Variants in MGLL observed in about 807,000 individuals in gnomAD.
MGLL encodes the protein lysophospholipase homolog.
In MGLL, 7 loss-of-function variants were observed where a neutral mutation model predicts 29.1. That is an observed-to-expected ratio of 0.24 (90% CI 0.14 to 0.45). The LOEUF (loss-of-function observed/expected upper bound fraction) is 0.45. Ranked by LOEUF, MGLL falls within the 20% of genes least tolerant of loss-of-function variation. MGLL has a pLI of 0.99. For synonymous variants in MGLL, 148 were observed against 168.3 expected (o/e 0.88, Z 0.93); for missense variants, 356 against 413.6 (o/e 0.86, Z 1.21).
intron 2 of MGLL, among the ~76,000 whole-genome samples, chr3:127,787,195 C>T (rs1267696958): frequency 3.3e-5 from 5 of 152,240 alleles, no homozygotes; most frequent in Non-Finnish European, 5.9e-5. Context: ...CTGGGCAAGA[C>T]GCCTGCAATA....
intron 6 of MGLL, among the ~76,000 whole-genome samples, chr3:127,707,814 C>T (rs1055992597): frequency 3.9e-5 from 6 of 152,198 alleles, no homozygotes; most frequent in Non-Finnish European, 7.3e-5. Context: ...GAATGTGGCT[C>T]TATAGGGTGG....
At chr3:127,733,453 T>C (rs775365200) in intron 3 of MGLL, among the ~76,000 whole-genome samples, 2 of 152,152 alleles carry the variant, frequency 1.3e-5, no homozygotes, top group Non-Finnish European at 2.9e-5. Flanking sequence ...AATTCCTTCT[T>C]GCTTAAGATC....
chr3:127,764,918 G>A (rs2076830334), intron 3 of MGLL, among the ~76,000 whole-genome samples: 1 of 152,176 alleles, frequency 6.6e-6, no homozygotes, highest in African/African-American at 2.4e-5. Flanking sequence ...TAGAGACTTT[G>A]ACTCATCCTT....
At chr3:127,696,336 G>A (rs1286797518) in intron 6 of MGLL, among the ~76,000 whole-genome samples, 1 of 150,148 alleles carries the variant, frequency 6.7e-6, no homozygotes, top group African/African-American at 2.4e-5. Flanking sequence ...TACAGGATCG[G>A]GGAGAAGTTT....
chr3:127,792,981 A>G (rs1224526903), intron 2 of MGLL, among the ~76,000 whole-genome samples: 1 of 152,242 alleles, frequency 6.6e-6, no homozygotes, highest in East Asian at 1.9e-4. Flanking sequence ...GAAGGGTTCC[A>G]ATCCCACCCA....
rs1269482694 is a variant in MGLL, at chr3:127,761,791, G to C, written c.262+19998C>G. 1.3e-5 allele frequency among the ~76,000 whole-genome samples: 2 copies of C among 152,144 alleles called. No individual in the cohort carries two copies. Among genetic ancestry groups the C allele is most frequent in the African/African-American group, 4.8e-5 (2 of 41,422 alleles). On this transcript the variant is annotated intron_variant, in intron 3 of 7. Transcript: ENST00000265052. The surrounding 1 kb of genome is among the most constrained non-coding windows in gnomAD (Gnocchi z 4.6). ...CTTGGGACCCCAGCTCTTCAGGGAG[G>C]GACTCCAGGCAGAGCTTCATTCTCA...
At chr3:127,710,204 A>G (rs1424298316) in intron 6 of MGLL, among the ~76,000 whole-genome samples, 3 of 152,214 alleles carry the variant, frequency 2.0e-5, no homozygotes, top group Non-Finnish European at 4.4e-5. Context: ...CCGATGGAGA[A>G]TAAGACTTTC....
At chr3:127,728,505 C>G (rs1248899483) in intron 3 of MGLL, among the ~76,000 whole-genome samples, 5 of 152,190 alleles carry the variant, frequency 3.3e-5, no homozygotes, top group Non-Finnish European at 7.3e-5. Flanking sequence ...CTTTTCCTCA[C>G]GTTTAACATA....
rs2076133373 is a variant in MGLL at position 127,730,652 on chromosome 3, T to C, written c.263-8086A>G. 4.6e-5 allele frequency among the ~76,000 whole-genome samples: 7 copies of C among 152,270 alleles called. No homozygotes were observed. The South Asian group carries it at 1.2e-3, about 27-fold the overall frequency. ...AGCTACTGCAAGTTCAAAGGCAACA[T>C]ACCCCTTCCATAACCCTGAAGCACT... On this transcript the variant is annotated intron_variant, in intron 3 of 7. Coordinates refer to ENST00000265052, the MANE Select transcript of MGLL (RefSeq NM_007283.7).
At chr3:127,699,036 G>A (rs6769053) in intron 6 of MGLL, among the ~76,000 whole-genome samples, 4,980 of 152,342 alleles carry the variant, frequency 0.033, 271 homozygotes, top group African/African-American at 0.11. Flanking sequence ...CTGGCTGAGA[G>A]TTGAAGTCTT....
chr3:127,715,454 C>T (rs915219816), intron 5 of MGLL: 5 of 345,934 alleles, frequency 1.4e-5, no homozygotes, highest in Non-Finnish European at 2.9e-5. Flanking sequence ...GGTGTTTAGC[C>T]TCTTCCCCAT....
At chr3:127,786,628 A>C (rs1213092508) in intron 2 of MGLL, among the ~76,000 whole-genome samples, 1 of 152,244 alleles carries the variant, frequency 6.6e-6, no homozygotes, top group Admixed American at 6.5e-5. Context: ...TGTACAAACC[A>C]GGCTGCTTTA....
chr3:127,746,675 C>T (rs773093511), intron 3 of MGLL, among the ~76,000 whole-genome samples: 1 of 152,152 alleles, frequency 6.6e-6, no homozygotes, highest in Non-Finnish European at 1.5e-5. Flanking sequence ...ACTCTTCCGT[C>T]TCCCTCTGCG....
At chr3:127,734,998 G>T (rs976345894) in intron 3 of MGLL, among the ~76,000 whole-genome samples, 3 of 152,244 alleles carry the variant, frequency 2.0e-5, no homozygotes, top group Non-Finnish European at 4.4e-5. Flanking sequence ...TCACTGTGGG[G>T]CCTCTAGCCT....
intron 3 of MGLL, among the ~76,000 whole-genome samples, chr3:127,742,008 A>G (rs1196415794): frequency 6.6e-6 from 1 of 152,238 alleles, no homozygotes; most frequent in African/African-American, 2.4e-5. Flanking sequence ...TTTATAAATA[A>G]CACTGAAATG....
intron 5 of MGLL, among the ~76,000 whole-genome samples, chr3:127,717,285 A>G (rs1480170573): frequency 6.6e-6 from 1 of 152,170 alleles, no homozygotes; most frequent in Admixed American, 6.5e-5. Context: ...CTAAAAACAG[A>G]TGAGTGACAT....
intron 6 of MGLL, among the ~76,000 whole-genome samples, chr3:127,706,553 C>T (rs1300474569): frequency 6.6e-6 from 1 of 152,218 alleles, no homozygotes; most frequent in Non-Finnish European, 1.5e-5. Flanking sequence ...GGCGCAAAAG[C>T]AACGTAGAGC....
intron 3 of MGLL, among the ~76,000 whole-genome samples, chr3:127,726,177 A>AAAGAAAGAAAGAAAGAAAGAAAGG (rs2076035838): frequency 4.7e-5 from 2 of 42,568 alleles, no homozygotes; most frequent in Non-Finnish European, 1.1e-4. Flanking sequence ...AGAAAGAAAG[A>AAAGAAAGAAAGAAAGAAAGAAAGG]AAGAAAGAAA....
chr3:127,770,761 GC>G (rs894826272), intron 3 of MGLL, among the ~76,000 whole-genome samples: 1 of 152,198 alleles, frequency 6.6e-6, no homozygotes, highest in African/African-American at 2.4e-5. Context: ...TAACCACTTG[GC>G]CTGTGATCCA....
Sources: allele counts gnomAD v4.1 joint callset (sites outside exome capture counted in the v4.1 genomes callset), GRCh38; gene constraint gnomAD v4.1.1; non-coding constraint Gnocchi (gnomAD v3.1); transcripts MANE v1.5; gene names NCBI Gene and HGNC (gene_info 2026-07-23, HGNC 2026-07-21).